AK7: variants seen among roughly 807,000 people sequenced by gnomAD.
The protein encoded by AK7 is adenylate kinase 7.
A neutral mutation model predicts 96.6 loss-of-function variants in AK7; 78 were observed. The ratio of observed to expected loss-of-function variants is 0.81; its 90% CI spans 0.67 to 0.97. The LOEUF (loss-of-function observed/expected upper bound fraction) is 0.97, where lower values mean the gene tolerates loss of function less well. Ranked by LOEUF, AK7 falls within the 50% of genes least tolerant of loss-of-function variation. AK7 has a pLI of 0.00. For synonymous variants in AK7, 302 were observed against 317.2 expected (o/e 0.95, Z 0.51); for missense variants, 855 against 887.9 (o/e 0.96, Z 0.47).
intron 12 of AK7, among the ~76,000 whole-genome samples, chr14:96,463,801 T>C (rs1894405610): frequency 6.8e-6 from 1 of 147,234 alleles, no homozygotes; most frequent in Non-Finnish European, 1.5e-5. Context: ...TTAACTGAGG[T>C]AACACAATGA....
At chr14:96,463,324 A>G (rs1054544922) in intron 12 of AK7, among the ~76,000 whole-genome samples, 2 of 152,168 alleles carry the variant, frequency 1.3e-5, no homozygotes, top group Non-Finnish European at 2.9e-5. Context: ...TGCACTTGGA[A>G]GTCACCAAGC....
intron 15 of AK7, among the ~76,000 whole-genome samples, chr14:96,479,302 C>T (rs1167523437): frequency 6.6e-6 from 1 of 151,886 alleles, no homozygotes; most frequent in African/African-American, 2.4e-5. Flanking sequence ...TGGTCTCGAT[C>T]TCCTGACCTC....
chr14:96,448,645 A>AAG (rs1893388175), intron 8 of AK7, among the ~76,000 whole-genome samples: 1 of 71,172 alleles, frequency 1.4e-5, no homozygotes, highest in South Asian at 3.5e-4. Flanking sequence ...AAAAAAAAAA[A>AAG]AAAAAAAAAA....
intron 7 of AK7, among the ~76,000 whole-genome samples, chr14:96,443,605 G>C (rs567305259): frequency 6.6e-6 from 1 of 152,144 alleles, no homozygotes; most frequent in African/African-American, 2.4e-5. Context: ...CCCTTTCCAA[G>C]ACCCTGAACC....
intron 4 of AK7, among the ~76,000 whole-genome samples, chr14:96,414,833 A>G (rs1891239288): frequency 7.0e-6 from 1 of 143,834 alleles, no homozygotes; most frequent in South Asian, 2.2e-4. Context: ...GCTCACTGCA[A>G]CCTCCACCTC....
At chr14:96,435,004 A>G (rs1054812298) in intron 5 of AK7, among the ~76,000 whole-genome samples, 3 of 152,178 alleles carry the variant, frequency 2.0e-5, no homozygotes, top group Non-Finnish European at 4.4e-5. Flanking sequence ...TCAGGAAAGT[A>G]GGCTCCCCTC....
At chr14:96,456,701 G>A (rs1893931958) in intron 11 of AK7, 4 of 379,070 alleles carry the variant, frequency 1.1e-5, no homozygotes, top group East Asian at 5.3e-5. Context: ...GCGTCAGAGA[G>A]CTTCTTCACA....
intron 4 of AK7, among the ~76,000 whole-genome samples, chr14:96,415,850 AG>A (rs1891319980): frequency 6.7e-6 from 1 of 149,228 alleles, no homozygotes; most frequent in Non-Finnish European, 1.5e-5. Context: ...TTTTAATAAT[AG>A]GACAATCTTA....
At chr14:96,462,484 C>G (rs1168194961) in intron 12 of AK7, among the ~76,000 whole-genome samples, 1 of 152,122 alleles carries the variant, frequency 6.6e-6, no homozygotes, top group Admixed American at 6.6e-5. Flanking sequence ...AACGAGTTTC[C>G]CAGTCCCACA....
At chr14:96,447,582 A>G (rs1893318101) in intron 8 of AK7, among the ~76,000 whole-genome samples, 1 of 151,884 alleles carries the variant, frequency 6.6e-6, no homozygotes, top group Non-Finnish European at 1.5e-5. Flanking sequence ...TCTGCCTCCC[A>G]AAGTGCTGGG....
In AK7 at chr14:96,486,881, C is replaced by T. The variant is rs199998800; in HGVS notation, c.1975-17C>T. ...TCTCACTACACATTTACTTTACCAC[C>T]AAATATTCTATTTTAGAATAAACGA... On this transcript the variant is annotated splice_polypyrimidine_tract_variant and intron_variant, in intron 16 of 17. Transcript: ENST00000267584. 3 of 1,532,628 alleles carry T rather than the reference C, an allele frequency of 2.0e-6. No homozygotes were observed. Among genetic ancestry groups the T allele is most frequent in the Non-Finnish European group, 1.8e-6 (2 of 1,128,320 alleles). 94.9% of individuals were successfully genotyped at this position (1,532,628 alleles called of 1,614,324 possible).
In AK7 at chr14:96,426,651, T is replaced by C. The variant is rs143538376; in HGVS notation, c.609+5719T>C. ...TGTCTGGGAAAGTATTTCTCCTCCA[T>C]GCTTGAAGGAGATTTTCACCAGATA... On this transcript the variant is annotated intron_variant, in intron 5 of 17. Transcript: ENST00000267584. 3.4e-3 allele frequency among the ~76,000 whole-genome samples: 514 copies of C among 152,328 alleles called. 5 individuals are homozygous for C. The highest frequency in any genetic ancestry group is 0.012 in the African/African-American group (494 of 41,566).
chr14:96,436,850 ACAGCAG>A (rs1271612125), intron 5 of AK7, among the ~76,000 whole-genome samples: 2 of 152,054 alleles, frequency 1.3e-5, no homozygotes, highest in East Asian at 3.9e-4. Context: ...CCTGAGACTT[ACAGCAG>A]CAGGCCGCCA....
intron 12 of AK7, among the ~76,000 whole-genome samples, chr14:96,459,884 A>C (rs1418624610): frequency 1.3e-5 from 2 of 152,190 alleles, no homozygotes; most frequent in East Asian, 3.8e-4. Context: ...CTCAAAAAAA[A>C]AGAAAGAAAA....
chr14:96,475,228 T>G (rs1458190822), intron 14 of AK7, among the ~76,000 whole-genome samples: 1 of 152,220 alleles, frequency 6.6e-6, no homozygotes, highest in Non-Finnish European at 1.5e-5. Flanking sequence ...AGGGCATTGT[T>G]TCATTCGTAC....
intron 5 of AK7, among the ~76,000 whole-genome samples, chr14:96,435,471 C>T (rs138620050): frequency 1.1e-4 from 17 of 152,218 alleles, no homozygotes; most frequent in Admixed American, 6.5e-4. Flanking sequence ...GGAGTCTCTT[C>T]GGAGCCACGA....
chr14:96,463,046 A>C (rs770417560), intron 12 of AK7, among the ~76,000 whole-genome samples: 1 of 152,080 alleles, frequency 6.6e-6, no homozygotes, highest in Non-Finnish European at 1.5e-5. Flanking sequence ...CTGAGGCAGG[A>C]GAATCGCTTG....
intron 3 of AK7, among the ~76,000 whole-genome samples, chr14:96,407,426 T>TAGATCC (rs1382807115): frequency 6.6e-6 from 1 of 152,310 alleles, no homozygotes; most frequent in East Asian, 1.9e-4. Flanking sequence ...TCAATACACT[T>TAGATCC]AGATCCAGGA....
chr14:96,465,190 C>T (rs1006198133), intron 12 of AK7, among the ~76,000 whole-genome samples: 2 of 152,086 alleles, frequency 1.3e-5, no homozygotes, highest in South Asian at 4.2e-4. Context: ...GAACGGGTGC[C>T]GTGGCTCACG....
Sources: gnomAD v4.1 joint callset for allele counts (sites outside exome capture counted in the v4.1 genomes callset) on GRCh38, gnomAD v4.1.1 for gene constraint, MANE v1.5 for transcripts, NCBI Gene and HGNC (gene_info 2026-07-23, HGNC 2026-07-21) for gene names.